Variants in PABPC4L observed in about 807,000 individuals in gnomAD.
PABPC4L encodes the protein poly(A) binding protein cytoplasmic 4 like, also known as polyadenylate-binding protein 4-like.
For missense variants in PABPC4L, 452 were observed against 451.4 expected, an observed-to-expected ratio of 1.00 and a Z score of -0.01; for synonymous variants, 169 against 164.1, an observed-to-expected ratio of 1.03 and a Z score of -0.23.
At chr4:134,158,193 G>A in the PABPC4L span, among the ~76,000 whole-genome samples, 1 of 151,818 alleles carries the variant, frequency 6.6e-6, no homozygotes, top group African/African-American at 2.4e-5. Context: ...GTTATTATCA[G>A]TAAATAGTGA....
the PABPC4L span, among the ~76,000 whole-genome samples, chr4:134,046,615 A>G: frequency 2.0e-5 from 3 of 152,136 alleles, no homozygotes; most frequent in African/African-American, 7.2e-5. Flanking sequence ...CCATGAGGCC[A>G]TATCTCAGGC....
the PABPC4L span, among the ~76,000 whole-genome samples, chr4:134,012,934 A>G: frequency 4.6e-5 from 7 of 151,638 alleles, no homozygotes; most frequent in African/African-American, 1.7e-4. Flanking sequence ...TGGACCCAAA[A>G]CTCTGGCGCC....
At chr4:134,177,663 G>A in the PABPC4L span, among the ~76,000 whole-genome samples, 1 of 152,080 alleles carries the variant, frequency 6.6e-6, no homozygotes, top group Non-Finnish European at 1.5e-5. Flanking sequence ...CAACTTCTAT[G>A]TGAACTCATC....
At chr4:134,060,956 A>G in the PABPC4L span, among the ~76,000 whole-genome samples, 6 of 152,056 alleles carry the variant, frequency 3.9e-5, no homozygotes, top group African/African-American at 1.4e-4. Flanking sequence ...AGGATGTCAG[A>G]TGGTTAATGG....
the PABPC4L span, among the ~76,000 whole-genome samples, chr4:134,059,799 T>A: frequency 6.6e-6 from 1 of 152,024 alleles, no homozygotes; most frequent in East Asian, 1.9e-4. Context: ...GATGGCCAAA[T>A]AGAAGCCTCC....
chr4:134,106,809 G>T, the PABPC4L span, among the ~76,000 whole-genome samples: 3 of 151,266 alleles, frequency 2.0e-5, no homozygotes, highest in African/African-American at 7.3e-5. Context: ...AAAAATGCAG[G>T]CTTGATTTAT....
At chr4:133,985,255 G>T in the PABPC4L span, among the ~76,000 whole-genome samples, 3 of 151,940 alleles carry the variant, frequency 2.0e-5, no homozygotes, top group South Asian at 6.2e-4. Context: ...TTCCACAAGG[G>T]TAGTAAAACA....
chr4:134,086,054 A>G, the PABPC4L span, among the ~76,000 whole-genome samples: 2 of 152,140 alleles, frequency 1.3e-5, no homozygotes, highest in African/African-American at 4.8e-5. Context: ...GAATCTGTAC[A>G]AACTGTCTAA....
At chr4:134,060,207 G>A in the PABPC4L span, among the ~76,000 whole-genome samples, 1 of 152,178 alleles carries the variant, frequency 6.6e-6, no homozygotes, top group South Asian at 2.1e-4. Context: ...GTTCTGGTAA[G>A]CCTTGCCACC....
At chr4:134,175,904 C>A in the PABPC4L span, among the ~76,000 whole-genome samples, 44 of 152,162 alleles carry the variant, frequency 2.9e-4, no homozygotes, top group Non-Finnish European at 5.6e-4. Context: ...TAGAAAACTG[C>A]AAATGTAAAA....
At chr4:133,959,281 G>A in the PABPC4L span, among the ~76,000 whole-genome samples, 1 of 152,218 alleles carries the variant, frequency 6.6e-6, no homozygotes, top group East Asian at 1.9e-4. Context: ...TACATCATTA[G>A]AAATTGTGAT....
At chr4:134,080,545 G>A in the PABPC4L span, among the ~76,000 whole-genome samples, 1 of 152,196 alleles carries the variant, frequency 6.6e-6, no homozygotes. Context: ...TTAAGTCTGA[G>A]ATCTTTAATT....
At chr4:134,133,289 GAT>G in the PABPC4L span, among the ~76,000 whole-genome samples, 1 of 136,566 alleles carries the variant, frequency 7.3e-6, no homozygotes, top group African/African-American at 2.7e-5. Flanking sequence ...ATATATAATT[GAT>G]ATATTAATTA....
the PABPC4L span, among the ~76,000 whole-genome samples, chr4:133,972,781 G>T: frequency 1.3e-5 from 2 of 152,120 alleles, no homozygotes. Flanking sequence ...AGGAGACTCT[G>T]CTTACCGACA....
the PABPC4L span, among the ~76,000 whole-genome samples, chr4:134,131,175 C>G: frequency 6.6e-6 from 1 of 151,968 alleles, no homozygotes; most frequent in Non-Finnish European, 1.5e-5. Flanking sequence ...CAGAACAGTA[C>G]TGGAAGTCTT....
chr4:134,052,226 T>C, the PABPC4L span, among the ~76,000 whole-genome samples: 1 of 152,058 alleles, frequency 6.6e-6, no homozygotes, highest in Admixed American at 6.6e-5. Flanking sequence ...ATATTTATAT[T>C]AAAATATGTA....
At chr4:134,008,853 A>G in the PABPC4L span, among the ~76,000 whole-genome samples, 6 of 151,874 alleles carry the variant, frequency 4.0e-5, no homozygotes, top group African/African-American at 9.7e-5. Flanking sequence ...ATAAAGTGAA[A>G]TATTGTAAAT....
chr4:133,962,082 G>A, the PABPC4L span, among the ~76,000 whole-genome samples: 1 of 152,198 alleles, frequency 6.6e-6, no homozygotes, highest in Non-Finnish European at 1.5e-5. Flanking sequence ...GGAAAAGGGA[G>A]AGAGTTCTAC....
At chr4:134,086,963 C>A in the PABPC4L span, among the ~76,000 whole-genome samples, 1 of 151,242 alleles carries the variant, frequency 6.6e-6, no homozygotes, top group Non-Finnish European at 1.5e-5. Context: ...TCCCCCCACC[C>A]CACAACAGTC....
Sources: gnomAD v4.1 joint callset for allele counts (sites outside exome capture counted in the v4.1 genomes callset) on GRCh38, gnomAD v4.1.1 for gene constraint, MANE v1.5 for transcripts, NCBI Gene and HGNC (gene_info 2026-07-23, HGNC 2026-07-21) for gene names.